The following SLC16A12 variants were observed in gnomAD, a reference collection of about 807,000 sequenced individuals.
SLC16A12 encodes solute carrier family 16 member 12.
Under a neutral mutation model 42.4 loss-of-function variants are expected in SLC16A12, and 17 were observed. That is an observed-to-expected ratio of 0.40 (90% CI 0.27 to 0.60). SLC16A12 has a LOEUF of 0.60. Among genes scored for constraint, SLC16A12 ranks in the 20% least tolerant of loss-of-function variants. The probability of loss-of-function intolerance (pLI) is 0.42; values close to 1 mark genes in which losing one functional copy is unlikely to be tolerated. For synonymous variants in SLC16A12, 224 were observed against 229.4 expected (o/e 0.98, Z 0.21); for missense variants, 544 against 623.0 (o/e 0.87, Z 1.35).
chr10:89,444,172 G>A (rs1841960440), intron 3 of SLC16A12, among the ~76,000 whole-genome samples: 1 of 152,168 alleles, frequency 6.6e-6, no homozygotes, highest in South Asian at 2.1e-4. Flanking sequence ...AACTTCTTCT[G>A]AGAGGTTATT....
chr10:89,528,941 G>A (rs1843498585), intron 2 of SLC16A12, among the ~76,000 whole-genome samples: 2 of 152,158 alleles, frequency 1.3e-5, no homozygotes, highest in Admixed American at 6.5e-5. Flanking sequence ...GTTGTCAGGT[G>A]TCAACCTGAA....
intron 3 of SLC16A12, among the ~76,000 whole-genome samples, chr10:89,458,137 G>A (rs576936622): frequency 1.3e-5 from 2 of 152,138 alleles, no homozygotes; most frequent in Non-Finnish European, 2.9e-5. Context: ...ATTTACTGTT[G>A]ATAAAGATAA....
chr10:89,483,920 CTT>C (rs1842709373), intron 2 of SLC16A12, among the ~76,000 whole-genome samples: 1 of 152,180 alleles, frequency 6.6e-6, no homozygotes, highest in South Asian at 2.1e-4. Context: ...AGTGCATAGT[CTT>C]TTGGCATCCA....
At chr10:89,465,242 C>T (rs765670912) in intron 2 of SLC16A12, among the ~76,000 whole-genome samples, 31 of 152,196 alleles carry the variant, frequency 2.0e-4, no homozygotes, top group Admixed American at 1.6e-3. Context: ...GATTGCAAGG[C>T]CAGTCTTCCT....
intron 2 of SLC16A12, among the ~76,000 whole-genome samples, chr10:89,512,273 CAT>C (rs1352595230): frequency 2.0e-5 from 3 of 152,180 alleles, no homozygotes; most frequent in African/African-American, 7.2e-5. Flanking sequence ...ATACTTCTGA[CAT>C]AGTGAGAAAT....
chr10:89,492,358 C>T (rs909935267), intron 2 of SLC16A12, among the ~76,000 whole-genome samples: 15 of 151,990 alleles, frequency 9.9e-5, no homozygotes, highest in Admixed American at 2.0e-4. Context: ...TTTTATATGT[C>T]GCCCGAGATA....
rs1841717091 is a variant in SLC16A12 at position 89,433,049 on chromosome 10, G to C, written c.*15C>G. The stretch of plus-strand genomic sequence containing the variant: ...CTCTCTCAAACCTGAAGATTCTGGG[G>C]CTCAAGGCCTTTGGTCATGTGAGGC... On this transcript the variant is annotated 3_prime_UTR_variant, in exon 8 of 8. Transcript: ENST00000371790. The C allele has an allele frequency of 6.8e-6, 11 of 1,613,768 alleles. No individual in the cohort carries two copies. The highest frequency in any genetic ancestry group is 8.5e-6 in the Non-Finnish European group (10 of 1,179,990).
intron 3 of SLC16A12, among the ~76,000 whole-genome samples, chr10:89,454,252 C>G (rs1025849498): frequency 5.3e-5 from 8 of 152,176 alleles, no homozygotes; most frequent in Non-Finnish European, 1.2e-4. Flanking sequence ...AAGTAATCCT[C>G]TCGTCTCAGC....
intron 3 of SLC16A12, among the ~76,000 whole-genome samples, chr10:89,455,111 G>T (rs1842166110): frequency 6.6e-6 from 1 of 152,084 alleles, no homozygotes; most frequent in Admixed American, 6.6e-5. Context: ...GGAACATGTG[G>T]TTAGGTGAGG....
At chr10:89,541,902 C>T (rs557119210) in intron 2 of SLC16A12, among the ~76,000 whole-genome samples, 2 of 152,062 alleles carry the variant, frequency 1.3e-5, no homozygotes, top group Non-Finnish European at 2.9e-5. Context: ...TTTGTGTCTC[C>T]AAATTAAGTT....
chr10:89,530,820 T>G (rs1343277778), intron 2 of SLC16A12, among the ~76,000 whole-genome samples: 2 of 152,148 alleles, frequency 1.3e-5, no homozygotes, highest in African/African-American at 4.8e-5. Context: ...CCATCATCAG[T>G]CACTCTCTAT....
intron 5 of SLC16A12, 87 bp from the exon 6 acceptor site, chr10:89,439,270 T>A: frequency 7.4e-7 from 1 of 1,349,930 alleles, no homozygotes; most frequent in Non-Finnish European, 1.0e-6. Flanking sequence ...TTAAAGAGAA[T>A]CTGACCTCTC....
chr10:89,539,863 T>TTC (rs1168970307), upstream of SLC16A12, among the ~76,000 whole-genome samples: 1 of 130,684 alleles, frequency 7.7e-6, no homozygotes, highest in African/African-American at 3.1e-5. Flanking sequence ...AAATTTTTCT[T>TTC]TCTTTCTTTC....
intron 2 of SLC16A12, chr10:89,555,830 G>T (rs1262847012): frequency 5.3e-5 from 8 of 150,812 alleles, no homozygotes; most frequent in Non-Finnish European, 1.2e-4. Context: ...CCAGTGTGAG[G>T]ACAGGTGGGA....
At chr10:89,508,802 G>A (rs1418209292) in intron 2 of SLC16A12, among the ~76,000 whole-genome samples, 2 of 152,066 alleles carry the variant, frequency 1.3e-5, no homozygotes, top group Non-Finnish European at 2.9e-5. Context: ...CTGGTTTTTT[G>A]AAAAGATCAA....
At chr10:89,507,633 T>G (rs1475724466) in intron 2 of SLC16A12, among the ~76,000 whole-genome samples, 11 of 152,190 alleles carry the variant, frequency 7.2e-5, no homozygotes, top group Admixed American at 6.5e-4. Flanking sequence ...CATGCCAAAT[T>G]GTGAAGACCA....
chr10:89,529,540 CT>C (rs1843506946), intron 2 of SLC16A12, among the ~76,000 whole-genome samples: 1 of 147,400 alleles, frequency 6.8e-6, no homozygotes, highest in Non-Finnish European at 1.5e-5. Context: ...TCCCAATTTC[CT>C]TTACAGTCTT....
intron 2 of SLC16A12, among the ~76,000 whole-genome samples, chr10:89,526,753 G>C (rs568509557): frequency 6.6e-6 from 1 of 152,162 alleles, no homozygotes. Flanking sequence ...GCTGGACATC[G>C]GTCCGCCACC....
intron 2 of SLC16A12, among the ~76,000 whole-genome samples, chr10:89,472,399 A>G (rs1336078861): frequency 1.3e-5 from 2 of 151,936 alleles, no homozygotes; most frequent in African/African-American, 4.8e-5. Context: ...TGTCATATCT[A>G]CTTAAGTTAG....
Sources: allele counts gnomAD v4.1 joint callset (sites outside exome capture counted in the v4.1 genomes callset), GRCh38; gene constraint gnomAD v4.1.1; transcripts MANE v1.5; gene names NCBI Gene and HGNC (gene_info 2026-07-23, HGNC 2026-07-21).